The following RILPL1 variants were observed in gnomAD, a reference collection of about 807,000 sequenced individuals.
RILPL1 encodes Rab interacting lysosomal protein like 1.
In RILPL1, 33 loss-of-function variants were observed where a neutral mutation model predicts 50.3. That is an observed-to-expected ratio of 0.66 (90% CI 0.50 to 0.88). The LOEUF (loss-of-function observed/expected upper bound fraction) is 0.88. Ranked by LOEUF, RILPL1 falls within the 40% of genes least tolerant of loss-of-function variation. The pLI, the probability that RILPL1 is intolerant of heterozygous loss-of-function variation, is 0.00. For synonymous variants in RILPL1, 205 were observed against 228.6 expected (o/e 0.90, Z 0.93); for missense variants, 418 against 542.5 (o/e 0.77, Z 2.28).
At chr12:123,531,356 C>G (rs1203338957) in intron 1 of RILPL1, among the ~76,000 whole-genome samples, 1 of 152,152 alleles carries the variant, frequency 6.6e-6, no homozygotes, top group East Asian at 1.9e-4. Flanking sequence ...CCGATGGCTT[C>G]CAAGGATTTC....
intron 1 of RILPL1, among the ~76,000 whole-genome samples, chr12:123,530,452 C>G (rs1176342071): frequency 1.3e-5 from 2 of 152,186 alleles, no homozygotes; most frequent in African/African-American, 2.4e-5. Flanking sequence ...CAGGTGTGAG[C>G]CACCGCGCCC....
rs1429149065 is a variant in RILPL1 at position 123,498,699 on chromosome 12, C to T, written c.646G>A (p.Glu216Lys). 6.2e-7 allele frequency: 1 copy of T among 1,613,756 alleles called. No individual in the cohort carries two copies. The highest frequency in any genetic ancestry group is 8.5e-7 in the Non-Finnish European group (1 of 1,179,884). The change falls in exon 4 of 7, where the codon GAG becomes AAG. Residue 216 changes from glutamate (E) to lysine (K), a missense_variant. Coordinates refer to ENST00000376874, the MANE Select transcript of RILPL1 (RefSeq NM_178314.5). This position sits in a 1 kb window ranked among gnomAD's most constrained non-coding sequence, Gnocchi z 4.3. ...HDLRHRVTVVEAQGKALIEQK... is the reference protein window; with the variant it reads ...HDLRHRVTVVKAQGKALIEQK... ...TCGATCAGGGCTTTCCCCTGGGCCT[C>T]CACCACCGTGACCCGGTGCCGAAGG...
chr12:123,473,368 A>T (rs1881339964), intron 6 of RILPL1: 1 of 152,040 alleles, frequency 6.6e-6, no homozygotes, highest in Non-Finnish European at 1.5e-5. Flanking sequence ...TACAAAAATT[A>T]TCCAGGTGTG....
At chr12:123,528,341 AGAGT>A (rs1198183333) in intron 1 of RILPL1, among the ~76,000 whole-genome samples, 1 of 145,850 alleles carries the variant, frequency 6.9e-6, no homozygotes, top group Non-Finnish European at 1.5e-5. Flanking sequence ...CCTGGGCAAC[AGAGT>A]GAGATGCTGT....
At chr12:123,496,966 C>T (rs1355152602) in intron 4 of RILPL1, among the ~76,000 whole-genome samples, 1 of 152,234 alleles carries the variant, frequency 6.6e-6, no homozygotes, top group African/African-American at 2.4e-5. Context: ...CTCCCCCAGC[C>T]CCATTCGGAC....
chr12:123,518,500 CAAA>C (rs60479214), intron 2 of RILPL1: 337 of 82,660 alleles, frequency 4.1e-3, no homozygotes, highest in South Asian at 0.017. Context: ...GAGACCTGTC[CAAA>C]AAAAAAAAAA....
At chr12:123,510,120 G>A (rs1286174999) in intron 2 of RILPL1, among the ~76,000 whole-genome samples, 1 of 152,222 alleles carries the variant, frequency 6.6e-6, no homozygotes, top group Non-Finnish European at 1.5e-5. Context: ...CACAGAACCG[G>A]CAACCAAGCC....
chr12:123,484,333 TC>T, intron 5 of RILPL1, 61 bp from the exon 6 acceptor site: 1 of 1,099,616 alleles, frequency 9.1e-7, no homozygotes, highest in Non-Finnish European at 1.4e-6. Flanking sequence ...ACTGGAACAT[TC>T]CAGAAGAGAA....
chr12:123,494,599 C>T (rs1367616914), intron 4 of RILPL1, among the ~76,000 whole-genome samples: 2 of 152,136 alleles, frequency 1.3e-5, no homozygotes, highest in Non-Finnish European at 1.5e-5. Context: ...GCCTGAGCTC[C>T]CGTGGGGCCT....
At chr12:123,518,220 A>G (rs1272435719) in intron 2 of RILPL1, among the ~76,000 whole-genome samples, 3 of 152,112 alleles carry the variant, frequency 2.0e-5, no homozygotes, top group Non-Finnish European at 4.4e-5. Flanking sequence ...TGATTAAGAC[A>G]GGGCCGGGTG....
intron 2 of RILPL1, among the ~76,000 whole-genome samples, chr12:123,510,085 T>G (rs1186302756): frequency 5.9e-5 from 9 of 151,700 alleles, no homozygotes; most frequent in Admixed American, 5.9e-4. Flanking sequence ...GCCGCAGGAG[T>G]TGCTCTGCGT....
At chr12:123,476,390 G>A (rs1267848684) in intron 6 of RILPL1, among the ~76,000 whole-genome samples, 6 of 148,314 alleles carry the variant, frequency 4.0e-5, no homozygotes, top group African/African-American at 1.0e-4. Context: ...GCGGTGAGCC[G>A]AGATCGCGCC....
Position 123,472,693 on chromosome 12 carries a change from G to A in RILPL1, c.1068-11C>T. On this transcript the variant is annotated splice_polypyrimidine_tract_variant and intron_variant, in intron 6 of 6. Transcript: ENST00000376874. ...GAGAAGAAGCTAAACCTTTGGAAGG[G>A]AAAGCAAACACAGAAATGAGAGCTG... 6.3e-7 allele frequency: 1 copy of A among 1,591,404 alleles called. No individual in the cohort carries two copies. Among genetic ancestry groups the A allele is most frequent in the Non-Finnish European group, 8.6e-7 (1 of 1,168,712 alleles).
chr12:123,478,665 C>G (rs1881759295), intron 6 of RILPL1, among the ~76,000 whole-genome samples: 1 of 152,170 alleles, frequency 6.6e-6, no homozygotes, highest in Non-Finnish European at 1.5e-5. Context: ...CCAAAGCCAA[C>G]CTTTCCAGTC....
chr12:123,510,290 T>C (rs541115608), intron 2 of RILPL1, among the ~76,000 whole-genome samples: 3 of 152,298 alleles, frequency 2.0e-5, no homozygotes, highest in South Asian at 4.1e-4. Flanking sequence ...AGAGCAGTGC[T>C]GGGTTTAGCT....
intron 5 of RILPL1, 30 bp from the exon 6 acceptor site, chr12:123,484,302 A>G: frequency 2.1e-6 from 3 of 1,409,012 alleles, no homozygotes; most frequent in Non-Finnish European, 3.0e-6. Context: ...GTGAGATAAA[A>G]GAGTCAAAAG....
At chr12:123,527,971 C>T (rs1421319635) in intron 1 of RILPL1, among the ~76,000 whole-genome samples, 1 of 152,108 alleles carries the variant, frequency 6.6e-6, no homozygotes, top group African/African-American at 2.4e-5. Flanking sequence ...TTCTGACGTC[C>T]GGAAATTTCT....
intron 6 of RILPL1, among the ~76,000 whole-genome samples, chr12:123,481,038 T>C (rs914372709): frequency 6.6e-6 from 1 of 152,126 alleles, no homozygotes; most frequent in South Asian, 2.1e-4. Context: ...GAACAGAGAC[T>C]CTGCACTGGA....
At chr12:123,499,291 T>C in intron 3 of RILPL1, 127 bp downstream of exon 3, 1 of 668,474 alleles carries the variant, frequency 1.5e-6, no homozygotes, top group Non-Finnish European at 2.7e-6. Context: ...ATGAGCAGGA[T>C]CCACACCCCA....
Sources: gnomAD v4.1 joint callset for allele counts (sites outside exome capture counted in the v4.1 genomes callset) on GRCh38, gnomAD v4.1.1 for gene constraint, Gnocchi (gnomAD v3.1) non-coding constraint, MANE v1.5 for transcripts, NCBI Gene and HGNC (gene_info 2026-07-23, HGNC 2026-07-21) for gene names.